The following SIL1 variants were observed in gnomAD, a reference collection of about 807,000 sequenced individuals.
The protein encoded by SIL1 is nucleotide exchange factor SIL1.
A neutral mutation model predicts 49.1 loss-of-function variants in SIL1; 40 were observed. That is an observed-to-expected ratio of 0.81 (90% CI 0.63 to 1.06). The LOEUF (loss-of-function observed/expected upper bound fraction) is 1.06. Ranked by LOEUF, SIL1 falls within the 50% of genes least tolerant of loss-of-function variation. SIL1 has a pLI of 0.00. For synonymous variants in SIL1, 253 were observed against 250.8 expected, an observed-to-expected ratio of 1.01 and a Z score of -0.08; for missense variants, 500 against 572.6, an observed-to-expected ratio of 0.87 and a Z score of 1.29.
At chr5:138,994,231 G>A (rs903503122) in intron 7 of SIL1, among the ~76,000 whole-genome samples, 4 of 152,056 alleles carry the variant, frequency 2.6e-5, no homozygotes, top group African/African-American at 7.2e-5. Context: ...TAAATGATAC[G>A]ATTATCTACA....
Position 139,026,981 on chromosome 5 carries a change from A to G in SIL1, c.465T>C (p.Ala155=), listed in dbSNP as rs749456174. The change falls in exon 6 of 10, where the codon GCT becomes GCC. Residue 155 remains alanine (A), a synonymous_variant. Coordinates refer to ENST00000394817, the MANE Select transcript of SIL1 (RefSeq NM_022464.5). The part of the protein sequence containing the change: ...ESSKEDKARQ[A]EVKRLFRPIE... Reference sequence around the variant, plus strand: ...TGGGGCGGAAGAGCCGCTTTACCTCAGCCTGCCTTGCCTAAGGAGAGCAGC... The same window carrying G: ...TGGGGCGGAAGAGCCGCTTTACCTCGGCCTGCCTTGCCTAAGGAGAGCAGC... 6.2e-7 allele frequency: 1 copy of G among 1,614,148 alleles called. No homozygotes were observed. The highest frequency in any genetic ancestry group is 8.5e-7 in the Non-Finnish European group (1 of 1,180,018).
At chr5:139,049,134 G>C (rs1261922524) in intron 4 of SIL1, among the ~76,000 whole-genome samples, 2 of 152,168 alleles carry the variant, frequency 1.3e-5, no homozygotes, top group Non-Finnish European at 2.9e-5. Flanking sequence ...GAGTCTCTAG[G>C]ACCTCCTTCT....
chr5:139,062,580 C>A (rs1769616488), intron 3 of SIL1, among the ~76,000 whole-genome samples: 1 of 152,188 alleles, frequency 6.6e-6, no homozygotes, highest in African/African-American at 2.4e-5. Context: ...AGCACCCTAA[C>A]CCATGTCTCC....
intron 6 of SIL1, among the ~76,000 whole-genome samples, chr5:139,026,011 C>T (rs375344690): frequency 6.6e-6 from 1 of 152,190 alleles, no homozygotes; most frequent in Non-Finnish European, 1.5e-5. Flanking sequence ...CTAGTCCCCC[C>T]TCTTCACCCA....
intron 7 of SIL1, among the ~76,000 whole-genome samples, chr5:138,998,852 C>CT (rs35074969): frequency 0.025 from 2,482 of 98,580 alleles, 39 homozygotes; most frequent in African/African-American, 0.05. Flanking sequence ...ATTATCTTTC[C>CT]TTTTTTTTTT....
intron 3 of SIL1, among the ~76,000 whole-genome samples, chr5:139,070,875 A>G (rs1040025486): frequency 2.6e-5 from 4 of 152,212 alleles, no homozygotes; most frequent in Non-Finnish European, 4.4e-5. Context: ...TAACAAAATA[A>G]TATATATGGG....
chr5:139,193,009 A>AC (rs1752202525), intron 1 of SIL1, among the ~76,000 whole-genome samples: 1 of 65,514 alleles, frequency 1.5e-5, no homozygotes, highest in Non-Finnish European at 5.6e-5. Context: ...AAAAAAAAAA[A>AC]AAAAAAAAAA....
chr5:139,111,348 C>T (rs1441750566), intron 3 of SIL1, among the ~76,000 whole-genome samples: 2 of 152,288 alleles, frequency 1.3e-5, no homozygotes, highest in East Asian at 3.9e-4. Context: ...CAAGACTGTC[C>T]ATCTGCTACC....
chr5:139,112,820 G>C (rs1157595098), intron 3 of SIL1, among the ~76,000 whole-genome samples: 1 of 152,168 alleles, frequency 6.6e-6, no homozygotes, highest in Non-Finnish European at 1.5e-5. Context: ...CATTGAGAAC[G>C]GGCCATGATG....
intron 7 of SIL1, among the ~76,000 whole-genome samples, chr5:139,002,252 C>A (rs1425917644): frequency 6.6e-6 from 1 of 151,274 alleles, no homozygotes; most frequent in African/African-American, 2.4e-5. Context: ...AAATTCAGAA[C>A]AGTGGTTACC....
At chr5:139,022,788 C>T (rs1424999672) in intron 6 of SIL1, among the ~76,000 whole-genome samples, 9 of 152,244 alleles carry the variant, frequency 5.9e-5, no homozygotes, top group Non-Finnish European at 1.2e-4. Context: ...GGTTGAGCCA[C>T]AGCCCAGCTA....
chr5:139,008,768 G>A (rs1458287711), intron 7 of SIL1, among the ~76,000 whole-genome samples: 45 of 151,872 alleles, frequency 3.0e-4, no homozygotes, highest in Admixed American at 1.3e-3. Flanking sequence ...GTAGTTGAGC[G>A]GCTTTGAGTG....
Position 138,946,838 on chromosome 5 carries a change from A to C in SIL1, c.*279T>G. On this transcript the variant is annotated 3_prime_UTR_variant, in exon 10 of 10. Coordinates refer to ENST00000394817, the MANE Select transcript of SIL1 (RefSeq NM_022464.5). ...GCTTGGTAAGAAGCAGAGACTTGCAACTCCTGGGCCCAGGTTCCTGCCCTG... is the reference window on the plus strand; with the variant it reads ...GCTTGGTAAGAAGCAGAGACTTGCACCTCCTGGGCCCAGGTTCCTGCCCTG... 1 of 507,138 alleles carries C rather than the reference A, an allele frequency of 2.0e-6. No homozygotes were observed. Among genetic ancestry groups the C allele is most frequent in the East Asian group, 3.5e-5 (1 of 28,218 alleles). The allele number at this position is 507,138 out of a possible 1,614,324, so 31.4% of individuals were successfully genotyped here. A position where few individuals can be genotyped will look rare whatever the true frequency, so the allele number is the denominator to read the frequency against.
intron 7 of SIL1, among the ~76,000 whole-genome samples, chr5:138,983,073 T>C (rs1460032634): frequency 6.6e-6 from 1 of 151,690 alleles, no homozygotes; most frequent in South Asian, 2.1e-4. Context: ...GGCTTGCACC[T>C]ATTAGTCCCA....
At chr5:139,055,469 A>C (rs1314879079) in intron 3 of SIL1, among the ~76,000 whole-genome samples, 1 of 151,868 alleles carries the variant, frequency 6.6e-6, no homozygotes, top group Non-Finnish European at 1.5e-5. Context: ...TTGACTTTGG[A>C]TTTTGCTTAT....
intron 3 of SIL1, among the ~76,000 whole-genome samples, chr5:139,099,367 G>A (rs752690579): frequency 6.6e-6 from 1 of 152,086 alleles, no homozygotes; most frequent in Non-Finnish European, 1.5e-5. Flanking sequence ...AGAATAATTG[G>A]AAGTTCCTCA....
rs987609239 is a variant in SIL1 at position 139,129,809 on chromosome 5, T to C, written c.-10-1956A>G. Among the ~76,000 whole-genome samples the C allele has an allele frequency of 4.6e-5, 7 of 152,220 alleles. No homozygotes were observed. In the East Asian group the frequency reaches 5.8e-4, roughly 13 times the overall value. On this transcript the variant is annotated intron_variant, in intron 1 of 9. Coordinates refer to ENST00000394817, the MANE Select transcript of SIL1 (RefSeq NM_022464.5). ...AAACATAGATGTAATCTTAACGACCTTGGATTTAGCACTGGTTTCTTAAAT... is the reference window on the plus strand; with the variant it reads ...AAACATAGATGTAATCTTAACGACCCTGGATTTAGCACTGGTTTCTTAAAT...
intron 7 of SIL1, among the ~76,000 whole-genome samples, chr5:138,998,590 A>G (rs1767923199): frequency 6.6e-6 from 1 of 152,242 alleles, no homozygotes; most frequent in South Asian, 2.1e-4. Context: ...TAATCATGAT[A>G]TAAGGCAAAG....
intron 7 of SIL1, among the ~76,000 whole-genome samples, chr5:138,999,369 A>C (rs1767939464): frequency 6.6e-6 from 1 of 152,162 alleles, no homozygotes; most frequent in Non-Finnish European, 1.5e-5. Context: ...TAGAAATGCT[A>C]TTGGCTGGAA....
Sources: gnomAD v4.1 joint callset for allele counts (sites outside exome capture counted in the v4.1 genomes callset) on GRCh38, gnomAD v4.1.1 for gene constraint, MANE v1.5 for transcripts, NCBI Gene and HGNC (gene_info 2026-07-23, HGNC 2026-07-21) for gene names.